SLC25A20: variants seen among roughly 807,000 people sequenced by gnomAD.
SLC25A20 encodes the protein solute carrier family 25 member 20, also known as mitochondrial carnitine/acylcarnitine carrier protein.
In SLC25A20, 29 loss-of-function variants were observed where a neutral mutation model predicts 39.7. The observed-to-expected ratio is 0.73, with a 90% CI of 0.54 to 1.00. SLC25A20 has a LOEUF of 1.00. Ranked by LOEUF, SLC25A20 falls within the 50% of genes least tolerant of loss-of-function variation. SLC25A20 has a pLI of 0.00. For missense variants in SLC25A20, 333 were observed against 379.9 expected (o/e 0.88, Z 1.03); for synonymous variants, 103 against 142.2 (o/e 0.72, Z 1.96).
chr3:48,861,266 T>C (rs1253789046), intron 5 of SLC25A20, among the ~76,000 whole-genome samples: 1 of 152,120 alleles, frequency 6.6e-6, no homozygotes, highest in Non-Finnish European at 1.5e-5. Flanking sequence ...CCCCCACAGA[T>C]TTCTTGAATG....
chr3:48,894,116 G>A (rs1283755352), intron 1 of SLC25A20, among the ~76,000 whole-genome samples: 2 of 138,608 alleles, frequency 1.4e-5, no homozygotes, highest in African/African-American at 5.4e-5. Context: ...AGTCAAAATC[G>A]CACCTTTGCA....
intron 3 of SLC25A20, 143 bp downstream of exon 3, chr3:48,883,854 C>T: frequency 1.1e-6 from 1 of 937,150 alleles, no homozygotes; most frequent in Non-Finnish European, 1.6e-6. Context: ...GACCTCCTGA[C>T]CTCAGGTGAT....
At chr3:48,883,917 C>A in intron 3 of SLC25A20, 80 bp downstream of exon 3, 1 of 1,564,560 alleles carries the variant, frequency 6.4e-7, no homozygotes, top group South Asian at 1.1e-5. Context: ...AGCCACCGCG[C>A]CCTGCCCAAG....
intron 5 of SLC25A20, among the ~76,000 whole-genome samples, chr3:48,861,040 G>A (rs963447745): frequency 2.0e-5 from 3 of 151,728 alleles, no homozygotes; most frequent in South Asian, 2.1e-4. Flanking sequence ...TATTGGTCAG[G>A]CTGGTCTTGA....
At chr3:48,878,867 TGTTTTGTTTTG>T (rs2083780614) in intron 4 of SLC25A20, among the ~76,000 whole-genome samples, 1 of 151,570 alleles carries the variant, frequency 6.6e-6, no homozygotes. Flanking sequence ...TTTTTGGTTT[TGTTTTGTTTTG>T]GTTTTGTTTT....
intron 2 of SLC25A20, among the ~76,000 whole-genome samples, chr3:48,888,313 T>C (rs1203789891): frequency 1.3e-5 from 2 of 151,354 alleles, no homozygotes; most frequent in Non-Finnish European, 2.9e-5. Context: ...GGCTCATGCC[T>C]GTAATCCCAG....
chr3:48,889,955 C>T (rs1004173136), intron 2 of SLC25A20, among the ~76,000 whole-genome samples: 2 of 152,098 alleles, frequency 1.3e-5, no homozygotes, highest in Non-Finnish European at 2.9e-5. Context: ...GCATAAGGGC[C>T]GCTTGAGGGC....
intron 2 of SLC25A20, among the ~76,000 whole-genome samples, chr3:48,889,881 C>T (rs866786635): frequency 1.3e-5 from 2 of 152,124 alleles, no homozygotes; most frequent in South Asian, 4.1e-4. Flanking sequence ...GTATAGGGTC[C>T]GGTGCTGAAG....
At position 48,898,856 on chromosome 3, in the gene SLC25A20, C is replaced by T. The variant is rs2083930238; in HGVS notation, c.-62G>A. The T allele has an allele frequency of 2.0e-6, 3 of 1,493,650 alleles. No individual in the cohort carries two copies. The African/African-American group carries it at 4.2e-5, about 21-fold the overall frequency. 92.5% of individuals were successfully genotyped at this position (1,493,650 alleles called of 1,614,324 possible). A position where few individuals can be genotyped will look rare whatever the true frequency, so the allele number is the denominator to read the frequency against. ...GGCCGTCCTGGCTTCTCAGCCCCAG[C>T]TGCAGTGCCGGCGCCGCCGACCTTT... is the stretch of plus-strand genomic sequence containing the variant. On this transcript the variant is annotated 5_prime_UTR_variant, in exon 1 of 9. Coordinates refer to ENST00000319017, the MANE Select transcript of SLC25A20 (RefSeq NM_000387.6).
chr3:48,884,085 T>C lies in SLC25A20; in HGVS notation c.238A>G (p.Ile80Val). 1 of 1,613,910 alleles carries C rather than the reference T, an allele frequency of 6.2e-7. No individual in the cohort carries two copies. ...GLYRGMAAPI[I>V]GVTPMFAVCF... ...ACGGCAAACATGGGAGTGACCCCGA[T>C]GATAGGGGCAGCCATTCCCCGATAT... is the stretch of plus-strand genomic sequence containing the variant. Residue 80 changes from isoleucine (I) to valine (V), a missense_variant, in exon 3 of 9, where the codon ATC becomes GTC. Transcript: ENST00000319017.
At chr3:48,875,397 G>C (rs780911145) in intron 4 of SLC25A20, among the ~76,000 whole-genome samples, 1 of 151,870 alleles carries the variant, frequency 6.6e-6, no homozygotes, top group Non-Finnish European at 1.5e-5. Context: ...ACCGCACCCA[G>C]CCTATTTATT....
chr3:48,859,080 CCT>C lies in SLC25A20; in HGVS notation c.718+10_718+11del. The C allele has an allele frequency of 6.2e-7, 1 of 1,608,564 alleles. No individual in the cohort carries two copies. The highest frequency in any genetic ancestry group is 8.5e-7 in the Non-Finnish European group (1 of 1,175,224). On this transcript the variant is annotated intron_variant, in intron 7 of 8. Transcript: ENST00000319017. ...CACTCTCCCCCTGTCCACCCCACTA[CCT>C]TCCACTCACCAGTCTGGAATCGAGA...
rs58122933 is a variant in SLC25A20, at chr3:48,867,411, A to ATTTTTT, written c.418-4758_418-4753dup. Among the ~76,000 whole-genome samples the ATTTTTT allele has an allele frequency of 2.5e-4, 27 of 108,370 alleles. 2 individuals are homozygous for ATTTTTT. The highest frequency in any genetic ancestry group is 6.7e-3 in the Middle Eastern group (1 of 150). 71.1% of individuals were successfully genotyped at this position (108,370 alleles called of 152,430 possible). ...CAGGATGCGCCACCATGCCTGGGTAATTTTTTTTTTTTTTTGTATTTTTAG... is the reference window on the plus strand; with the variant it reads ...CAGGATGCGCCACCATGCCTGGGTAATTTTTTTTTTTTTTTTTTTTTGTATTTTTAG... On this transcript the variant is annotated intron_variant, in intron 4 of 8. Transcript: ENST00000319017.
At chr3:48,885,148 G>A (rs1467828307) in intron 2 of SLC25A20, among the ~76,000 whole-genome samples, 2 of 152,058 alleles carry the variant, frequency 1.3e-5, no homozygotes, top group Non-Finnish European at 2.9e-5. Context: ...GTGTGTGCCT[G>A]TAGTCCTAGG....
At chr3:48,858,422 C>A in intron 8 of SLC25A20, 85 bp downstream of exon 8, 2 of 1,590,358 alleles carry the variant, frequency 1.3e-6, no homozygotes, top group Non-Finnish European at 1.7e-6. Flanking sequence ...AGACCCCAGT[C>A]CTATCCCAGG....
At chr3:48,866,188 G>T (rs2083667301) in intron 4 of SLC25A20, among the ~76,000 whole-genome samples, 1 of 152,008 alleles carries the variant, frequency 6.6e-6, no homozygotes, top group Non-Finnish European at 1.5e-5. Context: ...TTTATTTGCA[G>T]TTGTGAGGCA....
At chr3:48,868,029 C>G (rs2083685942) in intron 4 of SLC25A20, among the ~76,000 whole-genome samples, 2 of 151,064 alleles carry the variant, frequency 1.3e-5, no homozygotes, top group Admixed American at 1.3e-4. Flanking sequence ...CCACTGCACT[C>G]CAGCCTAGGC....
At position 48,879,451 on chromosome 3, in the gene SLC25A20, G is replaced by A. The variant is rs780476764; in HGVS notation, c.327-3C>T. On this transcript the variant is annotated splice_polypyrimidine_tract_variant and splice_region_variant and intron_variant, in intron 3 of 8. Coordinates refer to ENST00000319017, the MANE Select transcript of SLC25A20 (RefSeq NM_000387.6). ...CAGCTGCAAAAAGCTGGGGATAGCT[G>A]CATTGAAAACAAAAAGCAGAAGCAA... is the stretch of plus-strand genomic sequence containing the variant. 13 of 1,611,514 alleles carry A rather than the reference G, an allele frequency of 8.1e-6. No individual in the cohort carries two copies. In the African/African-American group the frequency reaches 1.7e-4, roughly 22 times the overall value.
intron 2 of SLC25A20, among the ~76,000 whole-genome samples, chr3:48,890,436 G>T (rs1189998617): frequency 6.6e-6 from 1 of 151,902 alleles, no homozygotes; most frequent in Non-Finnish European, 1.5e-5. Flanking sequence ...TGATCCACCT[G>T]CCTCAGCCTC....
Sources: gnomAD v4.1 joint callset for allele counts (sites outside exome capture counted in the v4.1 genomes callset) on GRCh38, gnomAD v4.1.1 for gene constraint, MANE v1.5 for transcripts, NCBI Gene and HGNC (gene_info 2026-07-23, HGNC 2026-07-21) for gene names.